RBFOX1: variants seen among roughly 807,000 people sequenced by gnomAD.
RBFOX1 encodes the protein RNA binding fox-1 homolog 1.
RBFOX1 carries 8 observed loss-of-function variants against 57.7 expected under a neutral mutation model. That is an observed-to-expected ratio of 0.14 (90% CI 0.08 to 0.25). The LOEUF is 0.25. RBFOX1 is among the 10% of genes least tolerant of loss of function. The pLI is 1.00. For missense variants in RBFOX1, 611 were observed against 548.5 expected (o/e 1.11, Z -1.14); for synonymous variants, 326 against 222.4 (o/e 1.47, Z -4.15).
intron 1 of RBFOX1, among the ~76,000 whole-genome samples, chr16:5,405,673 T>A (rs2151449830): frequency 6.6e-6 from 1 of 152,308 alleles, no homozygotes; most frequent in South Asian, 2.1e-4. Context: ...GGGTTCATAT[T>A]TTGGGTGGCA....
chr16:7,603,984 A>G (rs994021539), intron 9 of RBFOX1, among the ~76,000 whole-genome samples: 2 of 152,154 alleles, frequency 1.3e-5, no homozygotes, highest in Admixed American at 6.5e-5. Flanking sequence ...GAACTTGTCC[A>G]GGCAGAGATA....
chr16:7,114,862 C>G (rs2065549251), intron 4 of RBFOX1, among the ~76,000 whole-genome samples: 1 of 152,180 alleles, frequency 6.6e-6, no homozygotes, highest in South Asian at 2.1e-4. Flanking sequence ...CTGAGAAATA[C>G]ACACTGTGTG....
chr16:7,094,771 T>TGTGTGTGTGTGTGG (rs945776849), intron 4 of RBFOX1, among the ~76,000 whole-genome samples: 110 of 140,958 alleles, frequency 7.8e-4, no homozygotes, highest in African/African-American at 2.5e-3. Context: ...TGTGTGTGTG[T>TGTGTGTGTGTGTGG]GTGTGGGTGT....
chr16:6,052,029 C>T (rs992683712), intron 1 of RBFOX1, among the ~76,000 whole-genome samples: 1 of 152,200 alleles, frequency 6.6e-6, no homozygotes, highest in South Asian at 2.1e-4. Context: ...CAGTCCCCAT[C>T]ATGCCAAACA....
chr16:5,340,896 G>T (rs1024021825), intron 1 of RBFOX1, among the ~76,000 whole-genome samples: 1 of 152,168 alleles, frequency 6.6e-6, no homozygotes, highest in African/African-American at 2.4e-5. Context: ...AAGACAGCTG[G>T]GTAAGTGGGA....
intron 2 of RBFOX1, among the ~76,000 whole-genome samples, chr16:6,382,051 G>T (rs1327703571): frequency 1.3e-5 from 2 of 152,224 alleles, no homozygotes; most frequent in African/African-American, 2.4e-5. Context: ...TGCCTTTGTA[G>T]CGTGAAAGCT....
intron 2 of RBFOX1, among the ~76,000 whole-genome samples, chr16:6,500,813 C>T (rs183911289): frequency 2.7e-5 from 4 of 150,798 alleles, no homozygotes; most frequent in Non-Finnish European, 5.9e-5. Flanking sequence ...GAAAAATCAT[C>T]GTGTTTTAAA....
At chr16:6,306,248 C>T (rs989603425) in intron 1 of RBFOX1, among the ~76,000 whole-genome samples, 1 of 152,080 alleles carries the variant, frequency 6.6e-6, no homozygotes, top group Non-Finnish European at 1.5e-5. Context: ...CTGCAGAAAC[C>T]AATCAAAGGA....
intron 2 of RBFOX1, among the ~76,000 whole-genome samples, chr16:6,544,785 G>T (rs1322154878): frequency 6.6e-6 from 1 of 152,142 alleles, no homozygotes. Context: ...TGTGAAAATT[G>T]AATGATGCTG....
At chr16:6,802,942 G>A (rs554184421) in intron 3 of RBFOX1, among the ~76,000 whole-genome samples, 12 of 152,180 alleles carry the variant, frequency 7.9e-5, no homozygotes, top group Non-Finnish European at 1.8e-4. Flanking sequence ...TATTGAAGAG[G>A]GAAGATGGCT....
intron 3 of RBFOX1, among the ~76,000 whole-genome samples, chr16:7,018,100 C>T (rs1473713163): frequency 6.6e-6 from 1 of 152,072 alleles, no homozygotes; most frequent in Non-Finnish European, 1.5e-5. Flanking sequence ...TGTTTTCTCT[C>T]TGTGGAGCAT....
chr16:7,078,068 C>T (rs1016176957), intron 4 of RBFOX1, among the ~76,000 whole-genome samples: 2 of 152,136 alleles, frequency 1.3e-5, no homozygotes, highest in Admixed American at 1.3e-4. Flanking sequence ...CCTGCCTTTG[C>T]CTCTCTCTAC....
chr16:7,317,219 A>T (rs899686858), intron 4 of RBFOX1, among the ~76,000 whole-genome samples: 5 of 152,086 alleles, frequency 3.3e-5, no homozygotes, highest in African/African-American at 1.2e-4. Context: ...TTTGAAAATC[A>T]AGCCTGAGAT....
At chr16:5,397,477 A>G (rs930280071) in intron 1 of RBFOX1, among the ~76,000 whole-genome samples, 13 of 152,350 alleles carry the variant, frequency 8.5e-5, no homozygotes, top group Admixed American at 2.6e-4. Context: ...TGCCAAGTCT[A>G]TGGACGGCGG....
At chr16:6,553,721 G>A (rs2153885098) in intron 2 of RBFOX1, among the ~76,000 whole-genome samples, 1 of 152,286 alleles carries the variant, frequency 6.6e-6, no homozygotes, top group Middle Eastern at 3.4e-3. Flanking sequence ...TTGGAAGAAT[G>A]GAGGAGAGAA....
intron 5 of RBFOX1, among the ~76,000 whole-genome samples, chr16:7,530,075 A>G (rs938357010): frequency 1.3e-4 from 19 of 151,990 alleles, no homozygotes; most frequent in Admixed American, 1.2e-3. Context: ...TCAGGTTCAT[A>G]AAAGAGACAG....
chr16:7,340,343 ATCACT>A (rs2096869296), intron 4 of RBFOX1, among the ~76,000 whole-genome samples: 1 of 152,186 alleles, frequency 6.6e-6, no homozygotes, highest in Admixed American at 6.5e-5. Context: ...AATTATCCTG[ATCACT>A]TGTTGCCATT....
intron 1 of RBFOX1, among the ~76,000 whole-genome samples, chr16:5,251,497 T>C (rs1021652194): frequency 1.6e-4 from 24 of 152,180 alleles, no homozygotes; most frequent in Admixed American, 1.3e-4. Context: ...ACCTGCTGTG[T>C]TTATAGAGTG....
At chr16:7,253,962 A>G (rs2094581108) in intron 4 of RBFOX1, among the ~76,000 whole-genome samples, 1 of 152,230 alleles carries the variant, frequency 6.6e-6, no homozygotes, top group African/African-American at 2.4e-5. Flanking sequence ...TTACAGTGTG[A>G]GACAGCAAAG....
Sources: gnomAD v4.1 joint callset for allele counts (sites outside exome capture counted in the v4.1 genomes callset) on GRCh38, gnomAD v4.1.1 for gene constraint, MANE v1.5 for transcripts, NCBI Gene and HGNC (gene_info 2026-07-23, HGNC 2026-07-21) for gene names.